Variants in ANK2 observed in about 807,000 individuals in gnomAD.
ANK2 encodes the protein ankyrin-2.
A neutral mutation model predicts 360.5 loss-of-function variants in ANK2; 83 were observed. The ratio of observed to expected loss-of-function variants is 0.23; its 90% CI spans 0.19 to 0.28. The LOEUF is 0.28. Ranked by LOEUF, ANK2 falls within the 10% of genes least tolerant of loss-of-function variation. ANK2 has a pLI of 1.00. For missense variants in ANK2, 4,201 were observed against 4,795.7 expected (o/e 0.88, Z 3.66); for synonymous variants, 1,740 against 1,759.5 (o/e 0.99, Z 0.28).
intron 2 of ANK2, among the ~76,000 whole-genome samples, chr4:112,936,421 C>T (rs533327310): frequency 8.6e-5 from 13 of 151,322 alleles, no homozygotes; most frequent in Non-Finnish European, 1.9e-4. Flanking sequence ...TCTCAGCTCA[C>T]TGCAGCCTCC....
intron 24 of ANK2, among the ~76,000 whole-genome samples, chr4:113,311,902 C>T (rs546273443): frequency 5.9e-5 from 9 of 152,132 alleles, no homozygotes; most frequent in African/African-American, 1.9e-4. Flanking sequence ...AAAAAGAATC[C>T]GAACAGAATC....
chr4:113,172,722 C>T (rs934622437), intron 1 of ANK2, among the ~76,000 whole-genome samples: 2 of 151,958 alleles, frequency 1.3e-5, no homozygotes, highest in Non-Finnish European at 2.9e-5. Flanking sequence ...ATAATATGTT[C>T]GTATTTTATA....
At chr4:112,958,219 G>T (rs1328730520) in intron 2 of ANK2, among the ~76,000 whole-genome samples, 1 of 151,790 alleles carries the variant, frequency 6.6e-6, no homozygotes. Flanking sequence ...CTGCAATCTC[G>T]GCACTTTGGA....
chr4:113,315,837 C>A lies in ANK2; in HGVS notation c.2694-1870C>A, dbSNP rs191385391. 1.9e-3 allele frequency among the ~76,000 whole-genome samples: 281 copies of A among 144,754 alleles called. 1 individual carries two copies. The highest frequency in any genetic ancestry group is 7.1e-3 in the African/African-American group (270 of 38,238). The allele number at this position is 144,754 out of a possible 152,430, so 95.0% of individuals were successfully genotyped here. A position where few individuals can be genotyped will look rare whatever the true frequency, so the allele number is the denominator to read the frequency against. ...TGGTGAACCTGGGAGGCGGAGCTTG[C>A]ACTGAGCCACGATCGCGCCACTGCA... On this transcript the variant is annotated intron_variant, in intron 24 of 45. Coordinates refer to ENST00000357077, the MANE Select transcript of ANK2 (RefSeq NM_001148.6).
intron 2 of ANK2, among the ~76,000 whole-genome samples, chr4:113,184,455 C>T (rs375146425): frequency 6.6e-6 from 1 of 151,980 alleles, no homozygotes; most frequent in Non-Finnish European, 1.5e-5. Context: ...TCAGGAGTCC[C>T]ATCTTGATTT....
intron 1 of ANK2, among the ~76,000 whole-genome samples, chr4:112,831,681 C>G (rs922615284): frequency 2.0e-5 from 3 of 152,200 alleles, no homozygotes; most frequent in African/African-American, 4.8e-5. Context: ...CTCTTTCATG[C>G]TGTGGAAGCT....
chr4:113,287,501 T>G, intron 18 of ANK2, 104 bp from the exon 19 acceptor site: 1 of 941,130 alleles, frequency 1.1e-6, no homozygotes, highest in Non-Finnish European at 1.7e-6. Flanking sequence ...GCTATGAGTT[T>G]TCCAGGATAT....
Position 113,097,994 on chromosome 4 carries a change from G to A in ANK2, c.84+48182G>A, listed in dbSNP as rs374095763. On this transcript the variant is annotated intron_variant, in intron 1 of 45. Transcript: ENST00000357077. The stretch of plus-strand genomic sequence containing the variant: ...ATGATAAAGTCTAAAATATCTTAGT[G>A]GTTTATAAATGCTATTCATGTAATA... Among the ~76,000 whole-genome samples the A allele has an allele frequency of 1.2e-4, 18 of 150,890 alleles. No homozygotes were observed. The South Asian group carries it at 3.7e-3, about 31-fold the overall frequency.
intron 39 of ANK2, among the ~76,000 whole-genome samples, chr4:113,362,876 C>T (rs2096301448): frequency 6.6e-6 from 1 of 152,170 alleles, no homozygotes; most frequent in South Asian, 2.1e-4. Flanking sequence ...TTTATCCAAC[C>T]ACCATAATAT....
intron 1 of ANK2, among the ~76,000 whole-genome samples, chr4:113,116,702 A>AGCAGCGGCG (rs1562183994): frequency 3.3e-5 from 5 of 151,776 alleles, no homozygotes; most frequent in African/African-American, 1.2e-4. Flanking sequence ...GTAGCACGGC[A>AGCAGCGGCG]GCAGCAGCAG....
chr4:112,947,183 G>GC (rs2094596723), intron 2 of ANK2, among the ~76,000 whole-genome samples: 1 of 152,110 alleles, frequency 6.6e-6, no homozygotes, highest in Non-Finnish European at 1.5e-5. Flanking sequence ...TTAATGTTAT[G>GC]CCCTTCAATG....
the ANK2 span, among the ~76,000 whole-genome samples, chr4:112,710,271 C>T: frequency 1.3e-5 from 2 of 152,152 alleles, no homozygotes; most frequent in South Asian, 4.1e-4. Flanking sequence ...GGGCTTGTGA[C>T]TATTAAAGAA....
At chr4:112,804,058 A>G in the ANK2 span, among the ~76,000 whole-genome samples, 23 of 147,564 alleles carry the variant, frequency 1.6e-4, no homozygotes, top group Admixed American at 1.6e-3. Context: ...TCGCTCTGTC[A>G]CCCAGGCTGG....
At chr4:112,838,285 C>T (rs981875862) in intron 1 of ANK2, among the ~76,000 whole-genome samples, 2 of 152,154 alleles carry the variant, frequency 1.3e-5, no homozygotes, top group Non-Finnish European at 2.9e-5. Flanking sequence ...TTCCCTGAGG[C>T]CTCCCCAGCC....
At chr4:113,048,274 ATATTTTTTTTTTTTT>A (rs2065380700), upstream of ANK2, among the ~76,000 whole-genome samples, 1 of 41,734 alleles carries the variant, frequency 2.4e-5, no homozygotes, top group South Asian at 1.2e-3. Flanking sequence ...ATATATATAT[ATATTTTTTTTTTTTT>A]TTTTTTTTTT....
At chr4:112,759,039 A>C in the ANK2 span, among the ~76,000 whole-genome samples, 1 of 152,016 alleles carries the variant, frequency 6.6e-6, no homozygotes, top group East Asian at 1.9e-4. Context: ...AATATATTTT[A>C]CTCTCTGATT....
At chr4:113,328,469 A>G (rs926123934) in intron 26 of ANK2, among the ~76,000 whole-genome samples, 6 of 152,234 alleles carry the variant, frequency 3.9e-5, no homozygotes, top group Non-Finnish European at 5.9e-5. Context: ...CATTCTTTTG[A>G]GCAACAAATA....
chr4:113,350,051 G>T (rs1310585265), intron 36 of ANK2, among the ~76,000 whole-genome samples, 177 bp from the exon 37 acceptor site: 1 of 152,052 alleles, frequency 6.6e-6, no homozygotes, highest in East Asian at 1.9e-4. Flanking sequence ...TTTTTTCAAA[G>T]TCAGGATAAG....
the ANK2 span, among the ~76,000 whole-genome samples, chr4:112,804,188 T>G: frequency 2.0e-5 from 3 of 151,994 alleles, no homozygotes; most frequent in African/African-American, 7.3e-5. Flanking sequence ...CTGGCTAATT[T>G]TTTTTGTATT....
Sources: allele counts gnomAD v4.1 joint callset (sites outside exome capture counted in the v4.1 genomes callset), GRCh38; gene constraint gnomAD v4.1.1; transcripts MANE v1.5; gene names NCBI Gene and HGNC (gene_info 2026-07-23, HGNC 2026-07-21).